The following ZC3H12B variants were observed in gnomAD, a reference collection of about 807,000 sequenced individuals.
ZC3H12B encodes the protein zinc finger CCCH-type containing 12B.
A neutral mutation model predicts 43.9 loss-of-function variants in ZC3H12B; 7 were observed. The ratio of observed to expected loss-of-function variants is 0.16; its 90% CI spans 0.09 to 0.30. The LOEUF (loss-of-function observed/expected upper bound fraction) is 0.30, where lower values mean the gene tolerates loss of function less well. ZC3H12B is among the 10% of genes least tolerant of loss of function. The pLI, the probability that ZC3H12B is intolerant of heterozygous loss-of-function variation, is 1.00. For missense variants in ZC3H12B, 475 were observed against 670.2 expected (o/e 0.71, Z 3.22); for synonymous variants, 222 against 241.7 (o/e 0.92, Z 0.76).
chrX:65,205,986 C>A, the ZC3H12B span, among the ~76,000 whole-genome samples: 4 of 111,627 alleles, frequency 3.6e-5, no homozygotes, highest in African/African-American at 1.3e-4. Context: ...ACAAGGAAAA[C>A]TACAAAACAC....
At chrX:65,277,869 C>T in the ZC3H12B span, among the ~76,000 whole-genome samples, 1 of 109,659 alleles carries the variant, frequency 9.1e-6, no homozygotes, top group African/African-American at 3.3e-5. Flanking sequence ...CAGATTACAG[C>T]AGAAATAAAT....
chrX:65,471,445 AT>A (rs781370409), intron 3 of ZC3H12B, among the ~76,000 whole-genome samples: 5,232 of 60,900 alleles, frequency 0.086, 502 homozygotes, highest in African/African-American at 0.33. Flanking sequence ...TTGGTTTGTG[AT>A]TTTTTTTTTT....
the ZC3H12B span, among the ~76,000 whole-genome samples, chrX:65,119,482 C>G: frequency 8.9e-6 from 1 of 111,945 alleles, no homozygotes; most frequent in African/African-American, 3.2e-5. Context: ...CCTTCATTCA[C>G]TTTTTGATGC....
the ZC3H12B span, among the ~76,000 whole-genome samples, chrX:65,252,985 A>C: frequency 1.1e-4 from 12 of 112,249 alleles, 1 homozygote; most frequent in Non-Finnish European, 2.3e-4. Flanking sequence ...GAGCAGCAAT[A>C]AATTAGTAAA....
At chrX:65,429,547 C>T (rs1316177263) in intron 3 of ZC3H12B, among the ~76,000 whole-genome samples, 1 of 112,606 alleles carries the variant, frequency 8.9e-6, no homozygotes, top group Non-Finnish European at 1.9e-5. Context: ...GGCAAAGCAG[C>T]TGTGCTGCAA....
At chrX:65,392,466 G>A (rs1277112899) in intron 2 of ZC3H12B, among the ~76,000 whole-genome samples, 2 of 55,022 alleles carry the variant, frequency 3.6e-5, no homozygotes, top group Non-Finnish European at 6.8e-5. Flanking sequence ...CGTCCCGTCT[G>A]GGAAGTGAGG....
intron 3 of ZC3H12B, among the ~76,000 whole-genome samples, chrX:65,466,842 T>C (rs1206510507): frequency 1.1e-5 from 1 of 94,340 alleles, no homozygotes; most frequent in African/African-American, 3.7e-5. Context: ...TTTCTTATAC[T>C]TCTTGGGCAT....
chrX:65,500,522 G>C lies in ZC3H12B; in HGVS notation c.1090+533G>C, dbSNP rs769421295. Among the ~76,000 whole-genome samples, 4 of 111,688 alleles carry C rather than the reference G, an allele frequency of 3.6e-5. No homozygotes were observed. In the South Asian group the frequency reaches 1.1e-3, roughly 32 times the overall value. ...GGCTCACTGCAACCTCCGCTTCCCGGGTTTAAGCGATTCTCCTCCCTCAGC... is the reference window on the plus strand; with the variant it reads ...GGCTCACTGCAACCTCCGCTTCCCGCGTTTAAGCGATTCTCCTCCCTCAGC... On this transcript the variant is annotated intron_variant, in intron 4 of 4. Coordinates refer to ENST00000338957, the Ensembl canonical transcript of ZC3H12B.
At chrX:65,276,254 A>G in the ZC3H12B span, among the ~76,000 whole-genome samples, 1 of 111,798 alleles carries the variant, frequency 8.9e-6, no homozygotes, top group South Asian at 3.7e-4. Flanking sequence ...AAGAGAAGGG[A>G]AAAGCTGAGG....
chrX:65,183,644 C>T, the ZC3H12B span, among the ~76,000 whole-genome samples: 3 of 111,615 alleles, frequency 2.7e-5, no homozygotes, highest in Non-Finnish European at 1.9e-5. Context: ...TGGTGAGATA[C>T]TTATCTTTTC....
intron 2 of ZC3H12B, among the ~76,000 whole-genome samples, chrX:65,384,888 C>T (rs1409454731): frequency 8.9e-6 from 1 of 112,108 alleles, no homozygotes; most frequent in Non-Finnish European, 1.9e-5. Context: ...TTTCCCAGCA[C>T]CATTTGTTAA....
At chrX:65,438,484 A>G (rs780504423) in intron 3 of ZC3H12B, among the ~76,000 whole-genome samples, 1 of 112,225 alleles carries the variant, frequency 8.9e-6, no homozygotes, top group East Asian at 2.8e-4. Context: ...GGAGACCCTA[A>G]CCCAGAGGTG....
chrX:65,374,441 A>T (rs1231623135), intron 2 of ZC3H12B, among the ~76,000 whole-genome samples: 2 of 106,422 alleles, frequency 1.9e-5, no homozygotes, highest in East Asian at 2.9e-4. Context: ...TGAAATTTTT[A>T]AAGTAAAAAA....
At chrX:65,066,210 G>A in the ZC3H12B span, among the ~76,000 whole-genome samples, 4 of 110,688 alleles carry the variant, frequency 3.6e-5, no homozygotes, top group Non-Finnish European at 7.6e-5. Context: ...ACCCTTTGGA[G>A]GAGAAGAGGC....
At chrX:65,091,852 A>G in the ZC3H12B span, among the ~76,000 whole-genome samples, 2 of 112,390 alleles carry the variant, frequency 1.8e-5, no homozygotes, top group Non-Finnish European at 3.8e-5. Context: ...CTGCTCAAGA[A>G]TTAAAGTTTA....
At chrX:65,505,635 G>C (rs868239904) in exon 5 of ZC3H12B, 9 of 112,029 alleles carry the variant, frequency 8.0e-5, no homozygotes, top group Non-Finnish European at 1.9e-5. Context: ...CAGGGTATTT[G>C]ACAATCTCAG....
chrX:65,238,948 A>T, the ZC3H12B span, among the ~76,000 whole-genome samples: 1 of 111,701 alleles, frequency 9.0e-6, no homozygotes, highest in Non-Finnish European at 1.9e-5. Flanking sequence ...GGTCTGAAAG[A>T]CTTTCTTATG....
the ZC3H12B span, among the ~76,000 whole-genome samples, chrX:65,110,733 A>G: frequency 9.0e-6 from 1 of 111,509 alleles, no homozygotes; most frequent in South Asian, 3.6e-4. Flanking sequence ...CTTTCCATAT[A>G]CATTTTAGAA....
the ZC3H12B span, among the ~76,000 whole-genome samples, chrX:65,151,401 T>G: frequency 1.8e-5 from 2 of 111,902 alleles, no homozygotes; most frequent in Non-Finnish European, 3.8e-5. Context: ...AGAGAAAAAA[T>G]TGACATGTAG....
Sources: gnomAD v4.1 joint callset for allele counts (sites outside exome capture counted in the v4.1 genomes callset) on GRCh38, gnomAD v4.1.1 for gene constraint, MANE v1.5 for transcripts, NCBI Gene and HGNC (gene_info 2026-07-23, HGNC 2026-07-21) for gene names.